NKAIN2: variants seen among roughly 807,000 people sequenced by gnomAD.
NKAIN2 encodes sodium/potassium-transporting ATPase subunit beta-1-interacting protein 2.
Under a neutral mutation model 32.6 loss-of-function variants are expected in NKAIN2, and 14 were observed. The observed-to-expected ratio is 0.43, with a 90% CI of 0.28 to 0.67. The LOEUF is 0.67. NKAIN2 is among the 30% of genes least tolerant of loss of function. NKAIN2 has a pLI of 0.17. For synonymous variants in NKAIN2, 80 were observed against 87.2 expected (o/e 0.92, Z 0.46); for missense variants, 198 against 258.3 (o/e 0.77, Z 1.60).
chr6:123,865,524 A>G lies in NKAIN2; in HGVS notation c.54+61270A>G, dbSNP rs561341304. Among the ~76,000 whole-genome samples the G allele has an allele frequency of 2.0e-5, 3 of 152,300 alleles. No individual in the cohort carries two copies. The East Asian group carries it at 5.8e-4, about 29-fold the overall frequency. On this transcript the variant is annotated intron_variant, in intron 1 of 6. Transcript: ENST00000368417. ...TTTTTATGATTGATTCAAAACAAGA[A>G]ATTAAATATCGTTATATTTCACTTA...
At chr6:124,735,915 T>C (rs1232876588) in intron 4 of NKAIN2, among the ~76,000 whole-genome samples, 1 of 151,884 alleles carries the variant, frequency 6.6e-6, no homozygotes, top group Non-Finnish European at 1.5e-5. Context: ...TTAGTAACCC[T>C]ACAATGGCTT....
chr6:124,521,418 GTCA>G (rs1483172043), intron 3 of NKAIN2, among the ~76,000 whole-genome samples: 15 of 151,962 alleles, frequency 9.9e-5, no homozygotes, highest in East Asian at 3.9e-4. Flanking sequence ...TTCTTCTTTA[GTCA>G]TCATATTTTA....
intron 1 of NKAIN2, among the ~76,000 whole-genome samples, chr6:124,152,939 G>T (rs568431072): frequency 2.6e-5 from 4 of 151,824 alleles, no homozygotes; most frequent in African/African-American, 9.7e-5. Context: ...ATGTAAATGG[G>T]AGCTAAAAAA....
intron 4 of NKAIN2, among the ~76,000 whole-genome samples, chr6:124,694,724 C>T (rs9388358): frequency 0.38 from 58,367 of 151,936 alleles, 11,318 homozygotes; most frequent in African/African-American, 0.41. Context: ...GTGCTAGAAA[C>T]GTGTAGCTGG....
At chr6:123,902,348 T>C (rs1308355250) in intron 1 of NKAIN2, among the ~76,000 whole-genome samples, 2 of 152,124 alleles carry the variant, frequency 1.3e-5, no homozygotes, top group Non-Finnish European at 2.9e-5. Flanking sequence ...GTTGGCACTG[T>C]CTAAAAAATC....
intron 1 of NKAIN2, among the ~76,000 whole-genome samples, chr6:124,015,481 C>T (rs1046011365): frequency 1.3e-4 from 20 of 152,050 alleles, no homozygotes; most frequent in African/African-American, 4.3e-4. Flanking sequence ...TTCTTAAATC[C>T]CATCATCATG....
intron 1 of NKAIN2, among the ~76,000 whole-genome samples, chr6:123,850,013 G>A (rs1164910076): frequency 7.8e-6 from 1 of 129,010 alleles, no homozygotes; most frequent in Non-Finnish European, 1.6e-5. Flanking sequence ...TCTCTTTGTT[G>A]CCCAGGCTGG....
At chr6:124,055,642 C>T (rs1050059643) in intron 1 of NKAIN2, among the ~76,000 whole-genome samples, 1 of 151,908 alleles carries the variant, frequency 6.6e-6, no homozygotes, top group African/African-American at 2.4e-5. Flanking sequence ...GGTAATTGTG[C>T]AACTCTAGAA....
intron 1 of NKAIN2, among the ~76,000 whole-genome samples, chr6:124,031,741 G>A (rs1781414735): frequency 6.6e-6 from 1 of 152,110 alleles, no homozygotes; most frequent in South Asian, 2.1e-4. Context: ...TGTTAATCCT[G>A]AGTTCTAGTT....
chr6:123,824,822 T>C (rs193216922), intron 1 of NKAIN2, among the ~76,000 whole-genome samples: 2 of 152,158 alleles, frequency 1.3e-5, no homozygotes, highest in Non-Finnish European at 2.9e-5. Flanking sequence ...GCTCCCTGTT[T>C]GGAGGGAGGA....
At chr6:123,907,380 CTT>C (rs887709729) in intron 1 of NKAIN2, among the ~76,000 whole-genome samples, 4 of 152,198 alleles carry the variant, frequency 2.6e-5, no homozygotes, top group African/African-American at 7.2e-5. Flanking sequence ...CTATAATAGA[CTT>C]ATCATAATAT....
At chr6:124,338,890 G>A (rs568699091) in intron 2 of NKAIN2, among the ~76,000 whole-genome samples, 150 of 152,308 alleles carry the variant, frequency 9.8e-4, no homozygotes, top group African/African-American at 3.5e-3. Context: ...TACTCCACAA[G>A]TATTTAGATA....
chr6:124,220,268 G>A (rs1359387574), intron 1 of NKAIN2, among the ~76,000 whole-genome samples: 1 of 152,024 alleles, frequency 6.6e-6, no homozygotes, highest in East Asian at 1.9e-4. Context: ...TGTGAAGAAG[G>A]TGCCTCCTGG....
At chr6:124,175,138 T>C (rs79049247) in intron 1 of NKAIN2, among the ~76,000 whole-genome samples, 131 of 152,296 alleles carry the variant, frequency 8.6e-4, no homozygotes, top group African/African-American at 3.1e-3. Context: ...ATGTTATTAA[T>C]ACTATTGATT....
intron 1 of NKAIN2, among the ~76,000 whole-genome samples, chr6:124,182,612 C>T (rs934357308): frequency 6.6e-6 from 1 of 152,024 alleles, no homozygotes; most frequent in Admixed American, 6.6e-5. Context: ...CAATTCAGTA[C>T]CAGGTGGTTT....
At chr6:124,625,171 A>ATAAT (rs1439651969) in intron 3 of NKAIN2, among the ~76,000 whole-genome samples, 1 of 70,880 alleles carries the variant, frequency 1.4e-5, no homozygotes, top group African/African-American at 6.1e-5. Flanking sequence ...CTTAATTACA[A>ATAAT]TAATTATCAA....
chr6:124,045,457 A>G lies in NKAIN2; in HGVS notation c.55-237548A>G, dbSNP rs140125734. On this transcript the variant is annotated intron_variant, in intron 1 of 6. Transcript: ENST00000368417. ...AGAACTGGTCTGTTTTACACTTCCA[A>G]TTAATATTAAACACATTCTTAGAGG... Among the ~76,000 whole-genome samples the G allele has an allele frequency of 1.0e-3, 158 of 152,136 alleles. 4 individuals are homozygous for G. The East Asian group carries it at 0.025, about 24-fold the overall frequency.
chr6:124,450,578 G>A (rs140458427), intron 3 of NKAIN2, among the ~76,000 whole-genome samples: 1 of 151,396 alleles, frequency 6.6e-6, no homozygotes, highest in African/African-American at 2.4e-5. Flanking sequence ...GGTGATTTTT[G>A]TATCAAAAAT....
At chr6:124,628,224 T>TAAGTC (rs1307846583) in intron 3 of NKAIN2, among the ~76,000 whole-genome samples, 2 of 152,188 alleles carry the variant, frequency 1.3e-5, no homozygotes, top group Non-Finnish European at 2.9e-5. Flanking sequence ...ACTCCCCTGT[T>TAAGTC]AAGTCTTACA....
Sources: gnomAD v4.1 joint callset for allele counts (sites outside exome capture counted in the v4.1 genomes callset) on GRCh38, gnomAD v4.1.1 for gene constraint, MANE v1.5 for transcripts, NCBI Gene and HGNC (gene_info 2026-07-23, HGNC 2026-07-21) for gene names.